The following IQANK1 variants were observed in gnomAD, a reference collection of about 807,000 sequenced individuals.
The protein encoded by IQANK1 is IQ motif and ankyrin repeat domain-containing protein 1.
A neutral mutation model predicts 22.6 loss-of-function variants in IQANK1; 30 were observed. That is an observed-to-expected ratio of 1.33 (90% CI 0.99 to 1.80). The LOEUF (loss-of-function observed/expected upper bound fraction) is 1.80, where lower values mean the gene tolerates loss of function less well. Ranked by LOEUF, IQANK1 falls within the 40% of genes most tolerant of loss-of-function variation. The probability of loss-of-function intolerance (pLI) is 0.00; values close to 1 mark genes in which losing one functional copy is unlikely to be tolerated. For synonymous variants in IQANK1, 122 were observed against 99.6 expected (o/e 1.23, Z -1.34); for missense variants, 275 against 235.2 (o/e 1.17, Z -1.11).
intron 7 of IQANK1, among the ~76,000 whole-genome samples, chr8:143,775,787 T>TACACACAC (rs35665050): frequency 0.047 from 6,111 of 129,388 alleles, 237 homozygotes; most frequent in African/African-American, 0.098. Context: ...ATAGCTGTAT[T>TACACACAC]ACACACACAC....
At chr8:143,762,522 A>G (rs575127307) in intron 3 of IQANK1, among the ~76,000 whole-genome samples, 25 of 152,280 alleles carry the variant, frequency 1.6e-4, no homozygotes, top group African/African-American at 6.0e-4. Context: ...CTGTGCCCTC[A>G]TCAGCATACT....
chr8:143,737,095 G>GC (rs1818760074), intron 2 of IQANK1, among the ~76,000 whole-genome samples: 1 of 152,184 alleles, frequency 6.6e-6, no homozygotes. Flanking sequence ...CCCCAAAATA[G>GC]CCCCAGCTGC....
chr8:143,739,995 G>C (rs1319499871), intron 3 of IQANK1, 47 bp downstream of exon 3: 4 of 664,394 alleles, frequency 6.0e-6, no homozygotes, highest in East Asian at 2.8e-5. Context: ...CGGGTGAGCT[G>C]TTGGCAGGGG....
intron 7 of IQANK1, among the ~76,000 whole-genome samples, chr8:143,784,706 G>A (rs1034183019): frequency 5.3e-5 from 8 of 152,082 alleles, no homozygotes; most frequent in Admixed American, 5.2e-4. Context: ...AATATTGCTG[G>A]TCAGTATACC....
intron 3 of IQANK1, among the ~76,000 whole-genome samples, chr8:143,751,238 C>T (rs1474165938): frequency 3.9e-5 from 6 of 152,120 alleles, no homozygotes; most frequent in Admixed American, 2.0e-4. Flanking sequence ...GCACTGGTCT[C>T]TTAAATTATC....
intron 7 of IQANK1, among the ~76,000 whole-genome samples, chr8:143,773,393 G>A (rs374530866): frequency 2.2e-4 from 33 of 152,176 alleles, no homozygotes; most frequent in African/African-American, 7.9e-4. Context: ...CCCAGGCCCA[G>A]GAGTGGGGTG....
rs1248836694 is a variant in IQANK1, at chr8:143,771,994, CGG to C, written c.471+34_471+35del. On this transcript the variant is annotated intron_variant, in intron 5 of 13. Transcript: ENST00000527139. The surrounding 1 kb of genome is among the most constrained non-coding windows in gnomAD (Gnocchi z 6.0). Reference sequence around the variant, plus strand: ...AGCGGGGGCGGGAGGAGGACGAGGGCGGGGGGTGGGGTGGGAGTGGGAGGAGC... The same window carrying C: ...AGCGGGGGCGGGAGGAGGACGAGGGCGGGGTGGGGTGGGAGTGGGAGGAGC... 7 of 255,420 alleles carry C rather than the reference CGG, an allele frequency of 2.7e-5. No individual in the cohort carries two copies. In the South Asian group the frequency reaches 1.7e-3, roughly 62 times the overall value. The allele number at this position is 255,420 out of a possible 1,614,324, so 15.8% of individuals were successfully genotyped here.
intron 3 of IQANK1, among the ~76,000 whole-genome samples, chr8:143,764,187 G>A (rs1554629056): frequency 6.6e-6 from 1 of 152,060 alleles, no homozygotes; most frequent in African/African-American, 2.4e-5. Flanking sequence ...CAGGAAAGGT[G>A]GACAGCTGCT....
intron 3 of IQANK1, among the ~76,000 whole-genome samples, chr8:143,747,855 T>C (rs1819059656): frequency 6.6e-6 from 1 of 152,086 alleles, no homozygotes; most frequent in Admixed American, 6.6e-5. Flanking sequence ...GTATATGCTA[T>C]TATTGGCTAG....
At position 143,735,351 on chromosome 8, in the gene IQANK1, C is replaced by G. The variant is rs1271204350; in HGVS notation, c.-4-499C>G. Among the ~76,000 whole-genome samples, 12 of 152,280 alleles carry G rather than the reference C, an allele frequency of 7.9e-5. No homozygotes were observed. The highest frequency in any genetic ancestry group is 7.8e-4 in the Admixed American group (12 of 15,296). On this transcript the variant is annotated intron_variant, in intron 1 of 13. Transcript: ENST00000527139. The surrounding 1 kb of genome is among the most constrained non-coding windows in gnomAD (Gnocchi z 5.2). ...GGCCTGACACCACCATCTGCCAGAG[C>G]CGGGACCACATAAGGTCTGAGGGTG... is the stretch of plus-strand genomic sequence containing the variant.
At chr8:143,770,565 C>G (rs1819553290) in intron 3 of IQANK1, among the ~76,000 whole-genome samples, 1 of 152,226 alleles carries the variant, frequency 6.6e-6, no homozygotes, top group African/African-American at 2.4e-5. Context: ...GCCCATGCTC[C>G]CTGGGAGCTT....
intron 3 of IQANK1, among the ~76,000 whole-genome samples, chr8:143,756,295 G>A (rs1011621351): frequency 3.3e-5 from 5 of 152,250 alleles, no homozygotes; most frequent in East Asian, 3.9e-4. Flanking sequence ...TCATTGCCAG[G>A]CACACTCCTG....
Position 143,772,147 on chromosome 8 carries a change from C to T in IQANK1, c.567C>T (p.Asp189=), listed in dbSNP as rs1409825371. The change falls in exon 6 of 14, where the codon GAC becomes GAT. Residue 189 remains aspartate (D), a synonymous_variant. Coordinates refer to ENST00000527139, the MANE Select transcript of IQANK1 (RefSeq NM_001381874.1). The part of the protein sequence containing the change: ...QRRVALAECE[D]SYGNTPLSEA... The stretch of plus-strand genomic sequence containing the variant: ...GCGTGGCTCTGGCGGAGTGCGAGGA[C>T]AGCTACGGGAACACGCCGCTGTCGG... 5 of 394,876 alleles carry T rather than the reference C, an allele frequency of 1.3e-5. No individual in the cohort carries two copies. The highest frequency in any genetic ancestry group is 1.0e-4 in the African/African-American group (5 of 48,402). 24.5% of individuals were successfully genotyped at this position (394,876 alleles called of 1,614,324 possible). A position where few individuals can be genotyped will look rare whatever the true frequency, so the allele number is the denominator to read the frequency against.
intron 3 of IQANK1, among the ~76,000 whole-genome samples, chr8:143,747,023 G>A (rs377639036): frequency 1.6e-3 from 250 of 152,256 alleles, no homozygotes; most frequent in African/African-American, 3.8e-3. Flanking sequence ...GGGATTACAG[G>A]TGCCCACCAC....
At chr8:143,787,816 G>A (rs782292412) in intron 7 of IQANK1, among the ~76,000 whole-genome samples, 4 of 152,030 alleles carry the variant, frequency 2.6e-5, no homozygotes, top group East Asian at 1.9e-4. Flanking sequence ...GTGGGAATGC[G>A]GCCGCTCACC....
intron 3 of IQANK1, among the ~76,000 whole-genome samples, chr8:143,747,493 C>T (rs547597031): frequency 3.9e-5 from 6 of 152,208 alleles, no homozygotes; most frequent in South Asian, 4.1e-4. Flanking sequence ...TTAGTTTCAG[C>T]GTTTATGGCT....
chr8:143,775,129 G>A (rs1819658451), intron 7 of IQANK1, among the ~76,000 whole-genome samples: 1 of 149,978 alleles, frequency 6.7e-6, no homozygotes, highest in Admixed American at 6.6e-5. Flanking sequence ...ACACACACGA[G>A]TAGATGTGAA....
chr8:143,775,823 C>CACACA (rs57293834), intron 7 of IQANK1, among the ~76,000 whole-genome samples: 280 of 140,930 alleles, frequency 2.0e-3, no homozygotes, highest in African/African-American at 8.2e-3. Flanking sequence ...CACACACACA[C>CACACA]CATTCCTAAA....
At chr8:143,759,057 G>T in intron 3 of IQANK1, 1 of 253,658 alleles carries the variant, frequency 3.9e-6, no homozygotes, top group Non-Finnish European at 8.0e-6. Context: ...GAGGCCCTGG[G>T]ATGAGGTCCT....
Sources: gnomAD v4.1 joint callset for allele counts (sites outside exome capture counted in the v4.1 genomes callset) on GRCh38, gnomAD v4.1.1 for gene constraint, Gnocchi (gnomAD v3.1) non-coding constraint, MANE v1.5 for transcripts, NCBI Gene and HGNC (gene_info 2026-07-23, HGNC 2026-07-21) for gene names.